GTF2A2: variants seen among roughly 807,000 people sequenced by gnomAD.
The protein encoded by GTF2A2 is general transcription factor IIA subunit 2.
Under a neutral mutation model 14.3 loss-of-function variants are expected in GTF2A2, and 9 were observed. The ratio of observed to expected loss-of-function variants is 0.63; its 90% confidence interval spans 0.38 to 1.10. The LOEUF is 1.10. Ranked by LOEUF, GTF2A2 falls within the 50% of genes least tolerant of loss-of-function variation. The pLI is 0.01. For synonymous variants in GTF2A2, 56 were observed against 46.0 expected, an observed-to-expected ratio of 1.22 and a Z score of -0.88; for missense variants, 90 against 124.6, an observed-to-expected ratio of 0.72 and a Z score of 1.32.
intron 4 of GTF2A2, among the ~76,000 whole-genome samples, 157 bp downstream of exon 4, chr15:59,641,979 G>A (rs752499117): frequency 4.6e-5 from 7 of 152,182 alleles, no homozygotes; most frequent in African/African-American, 1.4e-4. Flanking sequence ...TTTGAGATAT[G>A]TAATCAGAAT....
At chr15:59,648,909 G>T (rs1214774596) in intron 3 of GTF2A2, among the ~76,000 whole-genome samples, 1 of 151,940 alleles carries the variant, frequency 6.6e-6, no homozygotes, top group Non-Finnish European at 1.5e-5. Context: ...ACTCCAGCCT[G>T]GGCGACAGAG....
At chr15:59,640,168 C>G (rs1406907459) in intron 4 of GTF2A2, 1 of 152,256 alleles carries the variant, frequency 6.6e-6, no homozygotes, top group Non-Finnish European at 1.5e-5. Context: ...CTACACCGTG[C>G]TGAAGTGTGA....
chr15:59,643,884 C>G (rs1473217834), intron 3 of GTF2A2, among the ~76,000 whole-genome samples: 4 of 151,076 alleles, frequency 2.6e-5, no homozygotes, highest in African/African-American at 9.7e-5. Flanking sequence ...AGGCGTGAGC[C>G]ATAGCACCCA....
At chr15:59,641,841 C>G (rs1891439132) in intron 4 of GTF2A2, among the ~76,000 whole-genome samples, 1 of 152,118 alleles carries the variant, frequency 6.6e-6, no homozygotes, top group African/African-American at 2.4e-5. Flanking sequence ...GTCTGAAAAG[C>G]CTGATAAACA....
intron 3 of GTF2A2, among the ~76,000 whole-genome samples, chr15:59,644,937 A>T (rs931708082): frequency 6.6e-6 from 1 of 152,180 alleles, no homozygotes; most frequent in Admixed American, 6.5e-5. Flanking sequence ...GTTAGACAGG[A>T]GTATGACTAA....
intron 3 of GTF2A2, among the ~76,000 whole-genome samples, chr15:59,648,241 T>C (rs530236653): frequency 1.3e-5 from 2 of 151,462 alleles, no homozygotes; most frequent in African/African-American, 4.8e-5. Flanking sequence ...ATCCCATCTC[T>C]TACTAAAAAT....
At chr15:59,648,183 C>A (rs532196852) in intron 3 of GTF2A2, among the ~76,000 whole-genome samples, 1 of 151,736 alleles carries the variant, frequency 6.6e-6, no homozygotes, top group Non-Finnish European at 1.5e-5. Context: ...CCGAGGCGGG[C>A]GGATCATGAG....
chr15:59,639,612 G>C (rs8033718), intron 4 of GTF2A2, among the ~76,000 whole-genome samples: 10,246 of 151,316 alleles, frequency 0.068, 602 homozygotes, highest in East Asian at 0.25. Flanking sequence ...ACAGGTGCCC[G>C]CCACCTCGCC....
chr15:59,650,764 T>C lies in GTF2A2; in HGVS notation c.82A>G (p.Ile28Val), dbSNP rs776328805. ...SLDELIQSQQ[I>V]TPQLALQVLL... ...ACTTGAAGGGCAAGTTGGGGGGTGATCTGTTGAGACTGAGAAAAGGTAAAG... is the reference window on the plus strand; with the variant it reads ...ACTTGAAGGGCAAGTTGGGGGGTGACCTGTTGAGACTGAGAAAAGGTAAAG... The change falls in exon 3 of 5, where the codon ATC becomes GTC. Residue 28 changes from isoleucine to valine, a missense_variant. By Grantham distance (29) the Ile-to-Val change is conservative. Coordinates refer to ENST00000396060, the MANE Select transcript of GTF2A2 (RefSeq NM_004492.3). 1.0e-5 allele frequency: 16 copies of C among 1,590,030 alleles called. No individual in the cohort carries two copies. Among genetic ancestry groups the C allele is most frequent in the Non-Finnish European group, 1.4e-5 (16 of 1,158,548 alleles).
chr15:59,651,965 T>C (rs967062155), intron 2 of GTF2A2: 2 of 374,746 alleles, frequency 5.3e-6, no homozygotes, highest in Non-Finnish European at 4.8e-6. Context: ...ATTAGAGGCA[T>C]GAAACACTGC....
intron 3 of GTF2A2, among the ~76,000 whole-genome samples, 156 bp downstream of exon 3, chr15:59,650,513 T>C (rs1486236622): frequency 1.3e-5 from 2 of 152,212 alleles, no homozygotes; most frequent in Non-Finnish European, 2.9e-5. Flanking sequence ...TTATAGTTGA[T>C]TGAAAAGTAT....
At chr15:59,648,742 G>A (rs1435460715) in intron 3 of GTF2A2, among the ~76,000 whole-genome samples, 1 of 152,040 alleles carries the variant, frequency 6.6e-6, no homozygotes, top group East Asian at 1.9e-4. Context: ...AGACCATCCT[G>A]GCAAATACGG....
At chr15:59,648,934 A>AAAAAAC (rs1222074740) in intron 3 of GTF2A2, among the ~76,000 whole-genome samples, 1 of 152,176 alleles carries the variant, frequency 6.6e-6, no homozygotes, top group East Asian at 1.9e-4. Flanking sequence ...ACTCTGTCTC[A>AAAAAAC]AAAAACAAAA....
chr15:59,643,314 A>G (rs1277825251), intron 3 of GTF2A2, among the ~76,000 whole-genome samples: 1 of 152,098 alleles, frequency 6.6e-6, no homozygotes, highest in East Asian at 1.9e-4. Flanking sequence ...TCCTGACCTC[A>G]GATGATCTGC....
intron 3 of GTF2A2, among the ~76,000 whole-genome samples, chr15:59,648,518 G>GT (rs1891686284): frequency 1.3e-5 from 2 of 151,080 alleles, no homozygotes; most frequent in Admixed American, 1.3e-4. Context: ...GTACATATGA[G>GT]TTTTTTACTA....
intron 3 of GTF2A2, among the ~76,000 whole-genome samples, chr15:59,648,663 A>T (rs974707381): frequency 1.3e-5 from 2 of 151,840 alleles, no homozygotes; most frequent in East Asian, 3.9e-4. Context: ...GGCCGGGCGC[A>T]GTGGCTCAAG....
At chr15:59,639,563 C>T (rs868081358) in intron 4 of GTF2A2, among the ~76,000 whole-genome samples, 4 of 150,480 alleles carry the variant, frequency 2.7e-5, no homozygotes, top group Admixed American at 6.6e-5. Context: ...CGGGGGTTCA[C>T]GCCATTCTCC....
At chr15:59,650,867 A>G in intron 2 of GTF2A2, 94 bp from the exon 3 acceptor site, 1 of 693,598 alleles carries the variant, frequency 1.4e-6, no homozygotes, top group South Asian at 1.8e-5. Flanking sequence ...AATTTAACTG[A>G]GGTTAACCAA....
At chr15:59,642,303 T>TC (rs774088158) in intron 3 of GTF2A2, 41 bp from the exon 4 acceptor site, 5 of 1,541,100 alleles carry the variant, frequency 3.2e-6, no homozygotes, top group East Asian at 2.4e-5. Flanking sequence ...AAACGTTTTT[T>TC]CCCCTCACAT....
Sources: allele counts gnomAD v4.1 joint callset (sites outside exome capture counted in the v4.1 genomes callset), GRCh38; gene constraint gnomAD v4.1.1; transcripts MANE v1.5; gene names NCBI Gene and HGNC (gene_info 2026-07-23, HGNC 2026-07-21).